Variants in PTPN9 observed in about 807,000 individuals in gnomAD.
PTPN9 encodes tyrosine-protein phosphatase non-receptor type 9.
Under a neutral mutation model 69.8 loss-of-function variants are expected in PTPN9, and 26 were observed. The observed-to-expected ratio is 0.37, with a 90% confidence interval of 0.27 to 0.52. PTPN9 has a LOEUF of 0.52. Among genes scored for constraint, PTPN9 ranks in the 20% least tolerant of loss-of-function variants. The pLI, the probability that PTPN9 is intolerant of heterozygous loss-of-function variation, is 0.91. For synonymous variants in PTPN9, 274 were observed against 272.5 expected, an observed-to-expected ratio of 1.01 and a Z score of -0.05; for missense variants, 549 against 740.3, an observed-to-expected ratio of 0.74 and a Z score of 3.00.
intron 5 of PTPN9, chr15:75,512,622 TATA>T: frequency 6.5e-6 from 1 of 152,954 alleles, no homozygotes. Context: ...TTTAAGGATT[TATA>T]ATGCCAGATG....
At chr15:75,486,659 T>C (rs891554738) in intron 8 of PTPN9, among the ~76,000 whole-genome samples, 1 of 152,166 alleles carries the variant, frequency 6.6e-6, no homozygotes, top group African/African-American at 2.4e-5. Flanking sequence ...AAGTAAACAA[T>C]TCACTAAAAA....
At chr15:75,504,775 A>G in intron 7 of PTPN9, among the ~76,000 whole-genome samples, 1 of 139,622 alleles carries the variant, frequency 7.2e-6, no homozygotes, top group South Asian at 2.4e-4. Context: ...CTGCCCGGCC[A>G]GCCGCCCCGT....
chr15:75,541,437 C>T (rs1032263401), intron 1 of PTPN9, among the ~76,000 whole-genome samples: 11 of 151,396 alleles, frequency 7.3e-5, no homozygotes, highest in African/African-American at 2.4e-4. Flanking sequence ...GACAGAGTCT[C>T]GCTCTGTCGC....
At chr15:75,473,592 C>G in intron 10 of PTPN9, 97 bp downstream of exon 10, 1 of 1,094,134 alleles carries the variant, frequency 9.1e-7, no homozygotes, top group East Asian at 2.4e-5. Context: ...GCCAGGCTGA[C>G]CCTCATTATT....
intron 1 of PTPN9, among the ~76,000 whole-genome samples, chr15:75,569,882 C>A (rs749803325): frequency 6.6e-6 from 1 of 151,754 alleles, no homozygotes; most frequent in South Asian, 2.1e-4. Flanking sequence ...AGGGCAGTGG[C>A]GCGATCTCAG....
chr15:75,482,348 G>C (rs1052034280), intron 8 of PTPN9, among the ~76,000 whole-genome samples: 2 of 151,800 alleles, frequency 1.3e-5, no homozygotes, highest in African/African-American at 4.8e-5. Flanking sequence ...GGCGGATGAC[G>C]AGGTCAGGAG....
chr15:75,551,386 C>T (rs2075055943), intron 1 of PTPN9, among the ~76,000 whole-genome samples: 2 of 152,148 alleles, frequency 1.3e-5, no homozygotes, highest in South Asian at 2.1e-4. Context: ...AACGGAGTCT[C>T]GCTCTGTCAC....
At chr15:75,503,593 T>G (rs1166883636) in intron 7 of PTPN9, among the ~76,000 whole-genome samples, 5 of 103,620 alleles carry the variant, frequency 4.8e-5, no homozygotes, top group Admixed American at 1.0e-4. Flanking sequence ...GGGAGGGAGG[T>G]GGGGGGGTCA....
At chr15:75,530,230 A>G (rs1328557951) in intron 1 of PTPN9, among the ~76,000 whole-genome samples, 1 of 143,364 alleles carries the variant, frequency 7.0e-6, no homozygotes, top group Non-Finnish European at 1.5e-5. Context: ...AAAAGAAAGA[A>G]AGAAAGAAAG....
At chr15:75,504,542 G>T (rs952959794) in intron 7 of PTPN9, among the ~76,000 whole-genome samples, 1 of 137,742 alleles carries the variant, frequency 7.3e-6, no homozygotes, top group East Asian at 2.3e-4. Context: ...CCAGCCAGCC[G>T]CCCCGTCCAG....
At chr15:75,559,164 G>A (rs546815196) in intron 1 of PTPN9, among the ~76,000 whole-genome samples, 2 of 151,014 alleles carry the variant, frequency 1.3e-5, no homozygotes, top group African/African-American at 4.9e-5. Flanking sequence ...TGTGAGGAGC[G>A]CCTCTGCCCG....
chr15:75,550,234 C>T (rs1477581653), intron 1 of PTPN9, among the ~76,000 whole-genome samples: 1 of 148,772 alleles, frequency 6.7e-6, no homozygotes, highest in Non-Finnish European at 1.5e-5. Context: ...GGCGCTATCT[C>T]GGCTCACTGC....
intron 1 of PTPN9, among the ~76,000 whole-genome samples, chr15:75,527,694 T>A (rs2074936055): frequency 1.3e-5 from 2 of 151,916 alleles, no homozygotes; most frequent in South Asian, 4.2e-4. Context: ...CCATCTCTAC[T>A]AAAAATACAA....
chr15:75,533,443 T>C (rs2141326170), intron 1 of PTPN9, among the ~76,000 whole-genome samples: 1 of 152,036 alleles, frequency 6.6e-6, no homozygotes, highest in South Asian at 2.1e-4. Flanking sequence ...CATTTTTTAG[T>C]AGAGATGGGG....
chr15:75,493,310 A>G (rs2141301194), intron 7 of PTPN9, among the ~76,000 whole-genome samples: 1 of 152,302 alleles, frequency 6.6e-6, no homozygotes, highest in South Asian at 2.1e-4. Flanking sequence ...ACAATTATAC[A>G]TAAAACAAGA....
rs1313156840 is a variant in PTPN9 at position 75,545,459 on chromosome 15, G to A, written c.64-18198C>T. Among the ~76,000 whole-genome samples the A allele has an allele frequency of 3.9e-5, 6 of 152,020 alleles. No individual in the cohort carries two copies. In the South Asian group the frequency reaches 1.2e-3, roughly 32 times the overall value. ...AACAAAACAAAATAAAATAAAGTAAGAGGACAGCAAAAAATTCCTAAATAA... is the reference window on the plus strand; with the variant it reads ...AACAAAACAAAATAAAATAAAGTAAAAGGACAGCAAAAAATTCCTAAATAA... On this transcript the variant is annotated intron_variant, in intron 1 of 12. Transcript: ENST00000618819.
chr15:75,510,298 T>C (rs967202440), intron 5 of PTPN9, among the ~76,000 whole-genome samples: 3 of 152,122 alleles, frequency 2.0e-5, no homozygotes, highest in Non-Finnish European at 4.4e-5. Flanking sequence ...CAGGCTGGAG[T>C]GCAGTGGCAC....
rs1378496783 is a variant in PTPN9, at chr15:75,466,499, AATG to A, written c.*2267_*2269del. 8 of 152,102 alleles carry A rather than the reference AATG, an allele frequency of 5.3e-5. No homozygotes were observed. The highest frequency in any genetic ancestry group is 5.2e-4 in the Admixed American group (8 of 15,268). 9.4% of individuals were successfully genotyped at this position (152,102 alleles called of 1,614,324 possible). On this transcript the variant is annotated 3_prime_UTR_variant, in exon 13 of 13. Transcript: ENST00000618819. Reference sequence around the variant, plus strand: ...CATAGATATGGAGTCTCCTGGGGAGAATGATAACCCCTTTGGTACGCTGCAGAC... The same window carrying A: ...CATAGATATGGAGTCTCCTGGGGAGAATAACCCCTTTGGTACGCTGCAGAC...
At chr15:75,498,614 C>A (rs539343518) in intron 7 of PTPN9, among the ~76,000 whole-genome samples, 1 of 152,148 alleles carries the variant, frequency 6.6e-6, no homozygotes, top group South Asian at 2.1e-4. Flanking sequence ...ACTTGGGAGG[C>A]TGAGGCAGGA....
Sources: allele counts gnomAD v4.1 joint callset (sites outside exome capture counted in the v4.1 genomes callset), GRCh38; gene constraint gnomAD v4.1.1; transcripts MANE v1.5; gene names NCBI Gene and HGNC (gene_info 2026-07-23, HGNC 2026-07-21).